Variants in SORCS2 observed in about 807,000 individuals in gnomAD.
SORCS2 encodes sortilin related VPS10 domain containing receptor 2, also known as VPS10 domain-containing receptor SorCS2.
In SORCS2, 100 loss-of-function variants were observed where a neutral mutation model predicts 141.6. The ratio of observed to expected loss-of-function variants is 0.71; its 90% CI spans 0.60 to 0.83. The LOEUF is 0.83. Among genes scored for constraint, SORCS2 ranks in the 40% least tolerant of loss-of-function variants. The pLI, the probability that SORCS2 is intolerant of heterozygous loss-of-function variation, is 0.00. For missense variants in SORCS2, 1,646 were observed against 1,560.2 expected, an observed-to-expected ratio of 1.05 and a Z score of -0.93; for synonymous variants, 789 against 676.9, an observed-to-expected ratio of 1.17 and a Z score of -2.57.
intron 8 of SORCS2, among the ~76,000 whole-genome samples, chr4:7,669,747 A>G (rs924413941): frequency 6.6e-6 from 1 of 152,068 alleles, no homozygotes; most frequent in African/African-American, 2.4e-5. Flanking sequence ...CTTCTCCCCC[A>G]GTTCTTGGTC....
At chr4:7,622,651 G>A (rs1373948051) in intron 3 of SORCS2, among the ~76,000 whole-genome samples, 4 of 152,230 alleles carry the variant, frequency 2.6e-5, no homozygotes, top group South Asian at 2.1e-4. Context: ...GCTCTGGCAC[G>A]GAGTCCCAGG....
chr4:7,347,989 A>G (rs1720733411), intron 1 of SORCS2, among the ~76,000 whole-genome samples: 1 of 152,254 alleles, frequency 6.6e-6, no homozygotes, highest in East Asian at 1.9e-4. Flanking sequence ...CGTGAATCAC[A>G]TGAAATGAAC....
chr4:7,274,200 T>C lies in SORCS2; in HGVS notation c.480+81074T>C, dbSNP rs368327523. On this transcript the variant is annotated intron_variant, in intron 1 of 26. Transcript: ENST00000507866. ...GGACAGACGTTAGACTGGGAACCCC[T>C]TTCCCCATAGGCAGATGCTGTGAAG... is the stretch of plus-strand genomic sequence containing the variant. Among the ~76,000 whole-genome samples the C allele has an allele frequency of 3.9e-4, 59 of 152,320 alleles. No homozygotes were observed. In the East Asian group the frequency reaches 0.011, roughly 28 times the overall value.
chr4:7,374,672 A>T (rs1198139662), intron 1 of SORCS2, among the ~76,000 whole-genome samples: 4 of 151,980 alleles, frequency 2.6e-5, no homozygotes, highest in Non-Finnish European at 5.9e-5. Context: ...GGGGTCCCCG[A>T]TCGCTGAACA....
chr4:7,652,019 C>T (rs1721477387), intron 4 of SORCS2, among the ~76,000 whole-genome samples: 1 of 152,220 alleles, frequency 6.6e-6, no homozygotes, highest in African/African-American at 2.4e-5. Flanking sequence ...CAAGATGCCA[C>T]ATTTGCGGTA....
At position 7,256,650 on chromosome 4, in the gene SORCS2, G is replaced by T. The variant is rs141674098; in HGVS notation, c.480+63524G>T. 5.4e-3 allele frequency among the ~76,000 whole-genome samples: 820 copies of T among 151,862 alleles called. 2 individuals are homozygous for T. Among genetic ancestry groups the T allele is most frequent in the Non-Finnish European group, 9.1e-3 (620 of 67,946 alleles). On this transcript the variant is annotated intron_variant, in intron 1 of 26. Coordinates refer to ENST00000507866, the MANE Select transcript of SORCS2 (RefSeq NM_020777.3). ...GGGAGGCAGGAAAACCCCAAATCTC[G>T]GATGCGAACGTAATGTGGTTACCAT...
At position 7,724,559 on chromosome 4, in the gene SORCS2, GGATGGTGGTGGTGATGGT is replaced by G. The variant is rs1407142452; in HGVS notation, c.2612-581_2612-564del. 3.6e-4 allele frequency among the ~76,000 whole-genome samples: 34 copies of G among 94,246 alleles called. No individual in the cohort carries two copies. The East Asian group carries it at 5.6e-3, about 15-fold the overall frequency. 61.8% of individuals were successfully genotyped at this position (94,246 alleles called of 152,430 possible). ...TGATGGTGATAGTAGTGGTGGGAATGGATGGTGGTGGTGATGGTGATGGTGGTGGTGTTGGTGATGGTG... is the reference window on the plus strand; with the variant it reads ...TGATGGTGATAGTAGTGGTGGGAATGGATGGTGGTGGTGTTGGTGATGGTG... On this transcript the variant is annotated intron_variant, in intron 19 of 26. Transcript: ENST00000507866.
intron 1 of SORCS2, among the ~76,000 whole-genome samples, chr4:7,259,418 T>C (rs2108819273): frequency 6.6e-6 from 1 of 152,350 alleles, no homozygotes; most frequent in East Asian, 1.9e-4. Flanking sequence ...ACAGGGGTTG[T>C]ACTCTGTACT....
chr4:7,729,933 G>T (rs1711540079), intron 23 of SORCS2, among the ~76,000 whole-genome samples: 1 of 152,116 alleles, frequency 6.6e-6, no homozygotes, highest in Non-Finnish European at 1.5e-5. Flanking sequence ...GTCGGGGGGA[G>T]GGCACAGGCT....
At chr4:7,686,732 C>T (rs1241841050) in intron 10 of SORCS2, among the ~76,000 whole-genome samples, 1 of 152,244 alleles carries the variant, frequency 6.6e-6, no homozygotes, top group Non-Finnish European at 1.5e-5. Context: ...AGCCTGCCGG[C>T]ATTGCCCTTC....
intron 1 of SORCS2, among the ~76,000 whole-genome samples, chr4:7,346,457 A>G (rs886738126): frequency 3.9e-5 from 6 of 152,204 alleles, no homozygotes; most frequent in African/African-American, 1.2e-4. Context: ...ACAGCCTAGC[A>G]TGTGATCTAT....
chr4:7,232,253 T>A (rs889400416), intron 1 of SORCS2, among the ~76,000 whole-genome samples: 6 of 152,034 alleles, frequency 3.9e-5, no homozygotes, highest in African/African-American at 1.2e-4. Context: ...AGGGGAAAGC[T>A]GCCTGGTGGC....
intron 1 of SORCS2, among the ~76,000 whole-genome samples, chr4:7,249,867 C>T (rs1054840094): frequency 2.6e-5 from 4 of 152,188 alleles, no homozygotes; most frequent in Admixed American, 1.3e-4. Flanking sequence ...CTCAGATTTG[C>T]TCTATGTGGC....
chr4:7,342,639 A>G (rs1262717425), intron 1 of SORCS2, among the ~76,000 whole-genome samples: 1 of 152,066 alleles, frequency 6.6e-6, no homozygotes, highest in Non-Finnish European at 1.5e-5. Context: ...CCCTAGCTAA[A>G]CACAGGGAAG....
intron 12 of SORCS2, among the ~76,000 whole-genome samples, chr4:7,699,320 A>G (rs747853617): frequency 9.2e-5 from 14 of 152,096 alleles, no homozygotes; most frequent in Non-Finnish European, 2.1e-4. Context: ...GCCCCAAGCT[A>G]ATGAGAGCAG....
chr4:7,565,504 G>T (rs1184673970), intron 3 of SORCS2, among the ~76,000 whole-genome samples: 1 of 152,162 alleles, frequency 6.6e-6, no homozygotes, highest in Non-Finnish European at 1.5e-5. Context: ...GCATAATGAT[G>T]ATAAAGATGA....
chr4:7,696,202 C>T (rs931593388), intron 11 of SORCS2, among the ~76,000 whole-genome samples: 2 of 152,170 alleles, frequency 1.3e-5, no homozygotes, highest in African/African-American at 4.8e-5. Flanking sequence ...CTTCAAAGGG[C>T]AAATGATATA....
At chr4:7,608,491 A>G (rs1481223398) in intron 3 of SORCS2, among the ~76,000 whole-genome samples, 2 of 152,242 alleles carry the variant, frequency 1.3e-5, no homozygotes, top group Non-Finnish European at 2.9e-5. Flanking sequence ...CCTGGCATGT[A>G]GCTGTCACTG....
intron 3 of SORCS2, among the ~76,000 whole-genome samples, chr4:7,630,904 C>G (rs1020585260): frequency 6.6e-6 from 1 of 152,050 alleles, no homozygotes; most frequent in Non-Finnish European, 1.5e-5. Flanking sequence ...ATCCTTAGGG[C>G]TAAACTTGGT....
Sources: allele counts gnomAD v4.1 joint callset (sites outside exome capture counted in the v4.1 genomes callset), GRCh38; gene constraint gnomAD v4.1.1; transcripts MANE v1.5; gene names NCBI Gene and HGNC (gene_info 2026-07-23, HGNC 2026-07-21).